Variants in ATP2C2 observed in about 807,000 individuals in gnomAD.
ATP2C2 encodes calcium-transporting ATPase type 2C member 2.
Under a neutral mutation model 110.8 loss-of-function variants are expected in ATP2C2, and 171 were observed. That is an observed-to-expected ratio of 1.54 (90% CI 1.36 to 1.75). ATP2C2 has a LOEUF of 1.75. Ranked by LOEUF, ATP2C2 falls within the 40% of genes most tolerant of loss-of-function variation. ATP2C2 has a pLI of 0.00. For missense variants in ATP2C2, 1,963 were observed against 1,235.0 expected, an observed-to-expected ratio of 1.59 and a Z score of -8.84; for synonymous variants, 804 against 508.4, an observed-to-expected ratio of 1.58 and a Z score of -7.82.
intron 17 of ATP2C2, among the ~76,000 whole-genome samples, chr16:84,451,447 G>T (rs114320127): frequency 1.3e-5 from 2 of 152,334 alleles, no homozygotes; most frequent in Non-Finnish European, 1.5e-5. Flanking sequence ...GCGCAGGCCT[G>T]AGAGCCGCTG....
intron 1 of ATP2C2, among the ~76,000 whole-genome samples, chr16:84,371,342 T>G (rs964672797): frequency 4.6e-5 from 7 of 152,200 alleles, no homozygotes; most frequent in Non-Finnish European, 7.4e-5. Context: ...CATAGCCAGA[T>G]GCCATCTCTG....
chr16:84,461,926 T>G, intron 25 of ATP2C2, 62 bp from the exon 26 acceptor site: 2 of 1,607,078 alleles, frequency 1.2e-6, no homozygotes, highest in South Asian at 2.2e-5. Flanking sequence ...CAGTCAGAGC[T>G]CCCCTGCCTG....
intron 2 of ATP2C2, 185 bp from the exon 3 acceptor site, chr16:84,404,943 G>T (rs62640933): frequency 7.2e-6 from 5 of 694,536 alleles, no homozygotes; most frequent in Non-Finnish European, 1.3e-5. Flanking sequence ...ACTGGCTTGT[G>T]CCTTTTCCTC....
chr16:84,410,109 C>T (rs545018958), intron 4 of ATP2C2, among the ~76,000 whole-genome samples: 45 of 151,926 alleles, frequency 3.0e-4, no homozygotes, highest in African/African-American at 9.7e-4. Flanking sequence ...CTTGGGAGGC[C>T]GAGGCAGGAG....
At chr16:84,369,141 G>C (rs560065455) in intron 1 of ATP2C2, among the ~76,000 whole-genome samples, 1 of 152,220 alleles carries the variant, frequency 6.6e-6, no homozygotes, top group Admixed American at 6.5e-5. Context: ...TTGCTGAAAT[G>C]TTGTAGCAAT....
chr16:84,431,889 G>C (rs544520049), intron 11 of ATP2C2, among the ~76,000 whole-genome samples: 4 of 152,140 alleles, frequency 2.6e-5, no homozygotes, highest in Non-Finnish European at 5.9e-5. Context: ...GCTTATTACA[G>C]AAGCGGGGGC....
Position 84,448,521 on chromosome 16 carries a change from G to C in ATP2C2, c.1504-12G>C, listed in dbSNP as rs566196426. The C allele has an allele frequency of 1.9e-6, 3 of 1,602,266 alleles. 1 individual carries two copies. In the South Asian group the frequency reaches 3.3e-5, roughly 18 times the overall value. On this transcript the variant is annotated splice_polypyrimidine_tract_variant and intron_variant, in intron 16 of 26. Transcript: ENST00000262429. ...CAGTGATAGTGGATTTCTTCCCTTT[G>C]TCTTTTCTAAGGATCAGGAAGACAT...
chr16:84,462,957 G>C (rs1567470808), intron 26 of ATP2C2: 1 of 153,808 alleles, frequency 6.5e-6, no homozygotes, highest in Non-Finnish European at 1.4e-5. Flanking sequence ...ACTCTGCCTT[G>C]TCCTCCAAAA....
chr16:84,447,373 G>A (rs1026300781), intron 16 of ATP2C2, among the ~76,000 whole-genome samples: 1 of 152,018 alleles, frequency 6.6e-6, no homozygotes, highest in African/African-American at 2.4e-5. Flanking sequence ...CATTGAAAAA[G>A]TATAGAAATA....
chr16:84,412,382 GT>G (rs1906416800), intron 6 of ATP2C2, among the ~76,000 whole-genome samples: 1 of 149,448 alleles, frequency 6.7e-6, no homozygotes, highest in Non-Finnish European at 1.5e-5. Context: ...GTGCGTGTGT[GT>G]ATATGTGTCT....
chr16:84,449,915 A>C (rs1379873839), intron 17 of ATP2C2, among the ~76,000 whole-genome samples: 1 of 152,178 alleles, frequency 6.6e-6, no homozygotes, highest in African/African-American at 2.4e-5. Flanking sequence ...CTTGGGCCCC[A>C]CTTGTGTGCT....
chr16:84,392,397 C>A (rs1904713084), intron 1 of ATP2C2, among the ~76,000 whole-genome samples: 1 of 152,154 alleles, frequency 6.6e-6, no homozygotes, highest in African/African-American at 2.4e-5. Context: ...AATCAGGACT[C>A]AAGTGAGGTC....
rs768898813 is a variant in ATP2C2 at position 84,410,709 on chromosome 16, C to T, written c.459C>T (p.Tyr153=). ...VVVTVAFIQE[Y]RSEKSLEELT... is the part of the protein sequence containing the mutation. ...TCTGATGTGCTTCCTGCCAGGAGTA[C>T]AGGTCGGAGAAATCTCTGGAAGAGC... The change falls in exon 6 of 27, where the codon TAC becomes TAT. Residue 153 remains tyrosine, a synonymous_variant. Transcript: ENST00000262429. The T allele has an allele frequency of 1.9e-6, 3 of 1,614,148 alleles. No individual in the cohort carries two copies. The highest frequency in any genetic ancestry group is 2.5e-6 in the Non-Finnish European group (3 of 1,180,020).
intron 1 of ATP2C2, among the ~76,000 whole-genome samples, chr16:84,389,930 C>T (rs374898399): frequency 6.6e-6 from 1 of 152,046 alleles, no homozygotes; most frequent in Non-Finnish European, 1.5e-5. Context: ...ACCATGTTGG[C>T]CAGGCTGCTT....
At chr16:84,412,745 C>T (rs1906487528) in intron 6 of ATP2C2, among the ~76,000 whole-genome samples, 1 of 152,084 alleles carries the variant, frequency 6.6e-6, no homozygotes, top group African/African-American at 2.4e-5. Context: ...TGGTTGAGGT[C>T]CTGTCAGGCT....
intron 1 of ATP2C2, among the ~76,000 whole-genome samples, chr16:84,375,357 C>T (rs1026250681): frequency 2.6e-5 from 4 of 152,250 alleles, no homozygotes; most frequent in Non-Finnish European, 5.9e-5. Flanking sequence ...GCCTGACCAA[C>T]GTGGTGAAAC....
In ATP2C2 at chr16:84,386,557, C is replaced by T. The variant is rs192267771; in HGVS notation, c.100-11942C>T. 3.1e-3 allele frequency among the ~76,000 whole-genome samples: 479 copies of T among 152,344 alleles called. 3 individuals carry two copies. The highest frequency in any genetic ancestry group is 3.6e-3 in the Non-Finnish European group (248 of 68,034). Reference sequence around the variant, plus strand: ...TGGCCACCCTTGAGCAAGGTTCATGCTCCAAGTATCTCACTTTGTCCTGTT... The same window carrying T: ...TGGCCACCCTTGAGCAAGGTTCATGTTCCAAGTATCTCACTTTGTCCTGTT... On this transcript the variant is annotated intron_variant, in intron 1 of 26. Coordinates refer to ENST00000262429, the MANE Select transcript of ATP2C2 (RefSeq NM_014861.4).
chr16:84,400,693 C>T (rs1054423521), intron 2 of ATP2C2, among the ~76,000 whole-genome samples: 10 of 152,156 alleles, frequency 6.6e-5, no homozygotes, highest in Non-Finnish European at 1.5e-4. Flanking sequence ...TTCCTACCAA[C>T]AGTGTACAAG....
chr16:84,388,873 G>A (rs1397858208), intron 1 of ATP2C2, among the ~76,000 whole-genome samples: 1 of 152,196 alleles, frequency 6.6e-6, no homozygotes, highest in Admixed American at 6.5e-5. Context: ...CTGGGTTCAA[G>A]CGATTCTCCT....
Sources: allele counts gnomAD v4.1 joint callset (sites outside exome capture counted in the v4.1 genomes callset), GRCh38; gene constraint gnomAD v4.1.1; transcripts MANE v1.5; gene names NCBI Gene and HGNC (gene_info 2026-07-23, HGNC 2026-07-21).